Variants in GLIS3 observed in about 807,000 individuals in gnomAD.
The protein encoded by GLIS3 is GLIS family zinc finger 3.
In GLIS3, 53 loss-of-function variants were observed where a neutral mutation model predicts 78.6. That is an observed-to-expected ratio of 0.67 (90% CI 0.54 to 0.85). GLIS3 has a LOEUF of 0.85. GLIS3 is among the 40% of genes least tolerant of loss of function. The pLI is 0.00. For synonymous variants in GLIS3, 684 were observed against 509.9 expected, an observed-to-expected ratio of 1.34 and a Z score of -4.60; for missense variants, 1,703 against 1,231.1, an observed-to-expected ratio of 1.38 and a Z score of -5.74.
At chr9:3,923,765 C>A (rs1588237045) in intron 6 of GLIS3, among the ~76,000 whole-genome samples, 1 of 152,134 alleles carries the variant, frequency 6.6e-6, no homozygotes, top group Non-Finnish European at 1.5e-5. Context: ...GATGAGGTGA[C>A]ATTTAAGGAT....
chr9:3,842,119 C>T (rs1424240397), intron 9 of GLIS3, among the ~76,000 whole-genome samples: 3 of 152,204 alleles, frequency 2.0e-5, no homozygotes, highest in African/African-American at 7.2e-5. Context: ...GCTGCTGCAT[C>T]TCAATTCCCT....
At chr9:3,831,805 TAAG>T (rs770089347) in intron 9 of GLIS3, among the ~76,000 whole-genome samples, 2 of 152,230 alleles carry the variant, frequency 1.3e-5, no homozygotes, top group Non-Finnish European at 2.9e-5. Flanking sequence ...ATATTTATAA[TAAG>T]CTTTTAACAA....
rs76497105 is a variant in GLIS3 at position 3,975,350 on chromosome 9, T to C, written c.1711-38161A>G. Among the ~76,000 whole-genome samples, 443 of 152,272 alleles carry C rather than the reference T, an allele frequency of 2.9e-3. 4 individuals are homozygous for C. The highest frequency in any genetic ancestry group is 1.0e-2 in the African/African-American group (415 of 41,568). On this transcript the variant is annotated intron_variant, in intron 4 of 10. Coordinates refer to ENST00000381971, the MANE Select transcript of GLIS3 (RefSeq NM_001042413.2). Reference sequence around the variant, plus strand: ...GCTTTGTGCTTATTGGAAGAGGGCATGGTGTTTTAAAAATTGAATAACACT... The same window carrying C: ...GCTTTGTGCTTATTGGAAGAGGGCACGGTGTTTTAAAAATTGAATAACACT...
chr9:3,944,498 G>A (rs1257408265), intron 4 of GLIS3, among the ~76,000 whole-genome samples: 1 of 152,184 alleles, frequency 6.6e-6, no homozygotes, highest in Admixed American at 6.5e-5. Flanking sequence ...AATTGCAAGT[G>A]AATAATTATT....
the GLIS3 span, among the ~76,000 whole-genome samples, chr9:4,480,178 C>A: frequency 2.7e-5 from 4 of 147,650 alleles, no homozygotes; most frequent in African/African-American, 9.9e-5. Flanking sequence ...TTCTGTGAGA[C>A]AAGTTTTCCA....
the GLIS3 span, among the ~76,000 whole-genome samples, chr9:4,473,407 T>C: frequency 1.5e-4 from 21 of 141,264 alleles, no homozygotes; most frequent in African/African-American, 5.3e-4. Flanking sequence ...GATCATGCCA[T>C]TGCACTCCAG....
At chr9:4,010,248 G>A (rs576059180) in intron 4 of GLIS3, among the ~76,000 whole-genome samples, 1 of 152,316 alleles carries the variant, frequency 6.6e-6, no homozygotes, top group Admixed American at 6.5e-5. Flanking sequence ...TCCCAACTCT[G>A]CCACTTACTA....
chr9:4,374,208 G>T, the GLIS3 span, among the ~76,000 whole-genome samples: 3 of 152,146 alleles, frequency 2.0e-5, no homozygotes, highest in African/African-American at 4.8e-5. Context: ...GCACCATCAG[G>T]TATTTCTCCT....
At chr9:4,368,754 A>G in the GLIS3 span, among the ~76,000 whole-genome samples, 11 of 152,172 alleles carry the variant, frequency 7.2e-5, no homozygotes, top group African/African-American at 1.7e-4. Context: ...AGCTTTAAGA[A>G]GAGGAGGATA....
In GLIS3 at chr9:3,937,399, A is replaced by G. The variant is rs1035822604; in HGVS notation, c.1711-210T>C. On this transcript the variant is annotated intron_variant, in intron 4 of 10. Coordinates refer to ENST00000381971, the MANE Select transcript of GLIS3 (RefSeq NM_001042413.2). ...ACTGAATATACATGCCACTTTCTGT[A>G]TCAGATTTGGGTCCCAAACTGATTT... 3.9e-5 allele frequency among the ~76,000 whole-genome samples: 6 copies of G among 152,336 alleles called. No individual in the cohort carries two copies. The Middle Eastern group carries it at 0.01, about 259-fold the overall frequency.
At chr9:4,235,159 C>T (rs1822604743) in intron 2 of GLIS3, among the ~76,000 whole-genome samples, 3 of 151,908 alleles carry the variant, frequency 2.0e-5, no homozygotes, top group Non-Finnish European at 4.4e-5. Flanking sequence ...AATCGCTGGG[C>T]GTGGTGGCAC....
chr9:4,187,153 A>G (rs540505510), intron 2 of GLIS3, among the ~76,000 whole-genome samples: 139 of 152,306 alleles, frequency 9.1e-4, no homozygotes, highest in Non-Finnish European at 1.3e-3. Context: ...TCTTTAATCC[A>G]TCTTGAATTA....
chr9:3,831,549 C>T (rs1272988915), intron 9 of GLIS3, among the ~76,000 whole-genome samples: 2 of 152,174 alleles, frequency 1.3e-5, no homozygotes, highest in Non-Finnish European at 2.9e-5. Context: ...TTTTGGAAAA[C>T]AGTTTGACAA....
intron 8 of GLIS3, among the ~76,000 whole-genome samples, chr9:3,869,009 G>T (rs906534891): frequency 2.0e-5 from 3 of 152,056 alleles, no homozygotes; most frequent in Non-Finnish European, 2.9e-5. Flanking sequence ...AACTATGATT[G>T]CCTATTGGCT....
At chr9:3,982,883 G>A (rs1563917864) in intron 4 of GLIS3, among the ~76,000 whole-genome samples, 1 of 152,180 alleles carries the variant, frequency 6.6e-6, no homozygotes, top group Non-Finnish European at 1.5e-5. Flanking sequence ...TAGGGTCACT[G>A]GCTCTTAAAT....
chr9:4,158,245 G>T (rs1835188539), intron 2 of GLIS3, among the ~76,000 whole-genome samples: 1 of 151,998 alleles, frequency 6.6e-6, no homozygotes, highest in South Asian at 2.1e-4. Flanking sequence ...CTCTTTATTG[G>T]AAAGACGAGC....
At chr9:4,352,270 G>A (rs184465963), upstream of GLIS3, among the ~76,000 whole-genome samples, 718 of 152,358 alleles carry the variant, frequency 4.7e-3, 3 homozygotes, top group Non-Finnish European at 8.5e-3. Flanking sequence ...TTTTCTCAAA[G>A]TCATGCAGGA....
At chr9:3,936,102 T>G (rs1329671182) in intron 5 of GLIS3, among the ~76,000 whole-genome samples, 2 of 152,212 alleles carry the variant, frequency 1.3e-5, no homozygotes, top group African/African-American at 4.8e-5. Context: ...AGTTTAATAA[T>G]AGACATCAGA....
At chr9:4,183,025 G>A (rs1817470404) in intron 2 of GLIS3, among the ~76,000 whole-genome samples, 2 of 152,206 alleles carry the variant, frequency 1.3e-5, no homozygotes, top group Non-Finnish European at 2.9e-5. Flanking sequence ...ATGGTTATGG[G>A]TAGCTGACAC....
Sources: allele counts gnomAD v4.1 joint callset (sites outside exome capture counted in the v4.1 genomes callset), GRCh38; gene constraint gnomAD v4.1.1; transcripts MANE v1.5; gene names NCBI Gene and HGNC (gene_info 2026-07-23, HGNC 2026-07-21).